AMACR: variants seen among roughly 807,000 people sequenced by gnomAD.
AMACR encodes alpha-methylacyl-CoA racemase, also known as 2-methylacyl-CoA racemase.
In AMACR, 18 loss-of-function variants were observed where a neutral mutation model predicts 22.2. The observed-to-expected ratio is 0.81, with a 90% confidence interval of 0.56 to 1.20. The LOEUF is 1.20. Among genes scored for constraint, AMACR ranks in the 50% most tolerant of loss-of-function variants. AMACR has a pLI of 0.00. For synonymous variants in AMACR, 213 were observed against 191.3 expected, an observed-to-expected ratio of 1.11 and a Z score of -0.94; for missense variants, 499 against 490.6, an observed-to-expected ratio of 1.02 and a Z score of -0.16.
rs182354716 is a variant in AMACR at position 34,005,612 on chromosome 5, C to T, written c.391+144G>A. 377 of 1,009,878 alleles carry T rather than the reference C, an allele frequency of 3.7e-4. 1 individual carries two copies. The African/African-American group carries it at 5.4e-3, about 14-fold the overall frequency. 62.6% of individuals were successfully genotyped at this position (1,009,878 alleles called of 1,614,324 possible). On this transcript the variant is annotated intron_variant, in intron 2 of 4. Coordinates refer to ENST00000335606, the MANE Select transcript of AMACR (RefSeq NM_014324.6). Reference sequence around the variant, plus strand: ...AGAATGATTGTTTCAAGACTCAAACCGATCCATTTTGAACACCCATGCTCT... The same window carrying T: ...AGAATGATTGTTTCAAGACTCAAACTGATCCATTTTGAACACCCATGCTCT...
chr5:33,991,506 C>T (rs893648992), intron 4 of AMACR, among the ~76,000 whole-genome samples: 3 of 152,028 alleles, frequency 2.0e-5, no homozygotes, highest in African/African-American at 7.2e-5. Flanking sequence ...CAGGAACTAG[C>T]CTGGGGACTC....
Position 33,988,384 on chromosome 5 carries a change from G to C in AMACR, c.*709C>G, listed in dbSNP as rs1370881247. 5.0e-5 allele frequency: 77 copies of C among 1,538,240 alleles called. No individual in the cohort carries two copies. Among genetic ancestry groups the C allele is most frequent in the Non-Finnish European group, 6.6e-5 (76 of 1,147,496 alleles). On this transcript the variant is annotated 3_prime_UTR_variant, in exon 5 of 5. Transcript: ENST00000335606. ...AGCCTGAGGAGAAATCAAACACATGGAGAAAGGAAAGCTGACAGCCCAGAG... is the reference window on the plus strand; with the variant it reads ...AGCCTGAGGAGAAATCAAACACATGCAGAAAGGAAAGCTGACAGCCCAGAG...
At chr5:33,998,947 A>G in intron 3 of AMACR, 120 bp from the exon 4 acceptor site, 1 of 840,978 alleles carries the variant, frequency 1.2e-6, no homozygotes, top group Non-Finnish European at 1.9e-6. Context: ...GTATACGAAG[A>G]TTCTACCTAA....
At chr5:33,999,693 C>A (rs1753754105) in intron 3 of AMACR, among the ~76,000 whole-genome samples, 1 of 152,240 alleles carries the variant, frequency 6.6e-6, no homozygotes, top group African/African-American at 2.4e-5. Context: ...ATAGAGCAGG[C>A]CTCATTCCAA....
In AMACR at chr5:33,998,733, C is replaced by T. The variant is rs759586956; in HGVS notation, c.647G>A (p.Gly216Glu). The T allele has an allele frequency of 1.2e-6, 2 of 1,614,070 alleles. No homozygotes were observed. Among genetic ancestry groups the T allele is most frequent in the South Asian group, 2.2e-5 (2 of 91,076 alleles). The change falls in exon 4 of 5, where the codon GGA (glycine) becomes GAA (glutamate). Residue 216 changes from glycine to glutamate, a missense_variant. Coordinates refer to ENST00000335606, the MANE Select transcript of AMACR (RefSeq NM_014324.6). Reference protein sequence around the residue: ...APRGQNMLDGGAPFYTTYRTA... With the variant: ...APRGQNMLDGEAPFYTTYRTA... The stretch of plus-strand genomic sequence containing the variant: ...CCTGTAAGTCGTATAGAAAGGTGCT[C>T]CACCATCCAACATGTTCTGTCCTCG...
intron 4 of AMACR, chr5:33,994,034 G>A (rs1253124401): frequency 8.8e-6 from 4 of 455,466 alleles, no homozygotes; most frequent in South Asian, 6.2e-5. Flanking sequence ...AAAATAGCAG[G>A]GACGCAGCAG....
At chr5:34,006,388 G>C (rs544338316) in intron 1 of AMACR, among the ~76,000 whole-genome samples, 56 of 152,322 alleles carry the variant, frequency 3.7e-4, no homozygotes, top group African/African-American at 1.2e-3. Flanking sequence ...TGTAGAAAGA[G>C]TGGTTAGTGA....
chr5:33,988,738 G>C lies in AMACR; in HGVS notation c.*355C>G. The C allele has an allele frequency of 8.3e-7, 1 of 1,198,468 alleles. No homozygotes were observed. The highest frequency in any genetic ancestry group is 1.0e-6 in the Non-Finnish European group (1 of 962,288). 74.2% of individuals were successfully genotyped at this position (1,198,468 alleles called of 1,614,324 possible). On this transcript the variant is annotated 3_prime_UTR_variant, in exon 5 of 5. Coordinates refer to ENST00000335606, the MANE Select transcript of AMACR (RefSeq NM_014324.6). ...CATTTTCTACATTGTAGAATCAAGA[G>C]TGTAAATAAATGTATATCGATGTCT...
In AMACR at chr5:33,988,771, T is replaced by C. The variant is rs1753377643; in HGVS notation, c.*322A>G. ...AAATGTATATCGATGTCTTCAAGAA[T>C]ATATCATTCCTTTTTCACTAGAACC... On this transcript the variant is annotated 3_prime_UTR_variant, in exon 5 of 5. Transcript: ENST00000335606. 10 of 1,231,896 alleles carry C rather than the reference T, an allele frequency of 8.1e-6. No individual in the cohort carries two copies. The highest frequency in any genetic ancestry group is 1.0e-5 in the Non-Finnish European group (10 of 981,432). 76.3% of individuals were successfully genotyped at this position (1,231,896 alleles called of 1,614,324 possible).
At chr5:34,006,237 T>G (rs924996393) in intron 1 of AMACR, among the ~76,000 whole-genome samples, 2 of 152,246 alleles carry the variant, frequency 1.3e-5, no homozygotes, top group African/African-American at 2.4e-5. Flanking sequence ...ACATCCCACC[T>G]TAGCTGCACT....
chr5:33,995,121 A>G (rs1277760303), intron 4 of AMACR, among the ~76,000 whole-genome samples: 1 of 152,220 alleles, frequency 6.6e-6, no homozygotes, highest in African/African-American at 2.4e-5. Flanking sequence ...ATCCTGCTCC[A>G]TCCTGCCTTG....
At chr5:34,000,234 T>C (rs1190842307) in intron 3 of AMACR, among the ~76,000 whole-genome samples, 1 of 152,198 alleles carries the variant, frequency 6.6e-6, no homozygotes, top group Non-Finnish European at 1.5e-5. Flanking sequence ...GTGCCTGCTT[T>C]CCGCTCAAGC....
chr5:34,003,477 T>G (rs73077183), intron 3 of AMACR, among the ~76,000 whole-genome samples: 1 of 152,150 alleles, frequency 6.6e-6, no homozygotes, highest in Non-Finnish European at 1.5e-5. Context: ...CATTATTATC[T>G]CCATTTTACA....
At chr5:33,993,505 T>A (rs1463693619) in intron 4 of AMACR, among the ~76,000 whole-genome samples, 1 of 152,238 alleles carries the variant, frequency 6.6e-6, no homozygotes, top group Non-Finnish European at 1.5e-5. Flanking sequence ...ACGCTGTTTT[T>A]GACAGTGGCT....
chr5:33,998,442 T>C (rs1477152433), intron 4 of AMACR, among the ~76,000 whole-genome samples, 199 bp downstream of exon 4: 2 of 152,152 alleles, frequency 1.3e-5, no homozygotes, highest in Admixed American at 1.3e-4. Context: ...AACCCTCAGC[T>C]ATTTTATAGA....
At chr5:34,004,785 T>C in intron 2 of AMACR, 51 bp from the exon 3 acceptor site, 1 of 1,571,380 alleles carries the variant, frequency 6.4e-7, no homozygotes. Flanking sequence ...AATCTCTTCT[T>C]AAAATAAATA....
Position 33,997,122 on chromosome 5 carries a change from A to G in AMACR, c.739+1519T>C, listed in dbSNP as rs192012278. ...CTGTGAGAGAGCCAAGTTCAACGGC[A>G]GTTTCCTTTAAGGTTGATCCATTTT... On this transcript the variant is annotated intron_variant, in intron 4 of 4. Transcript: ENST00000335606. The G allele has an allele frequency of 4.1e-4, 309 of 749,724 alleles. 1 individual carries two copies. In the African/African-American group the frequency reaches 4.9e-3, roughly 12 times the overall value. 46.4% of individuals were successfully genotyped at this position (749,724 alleles called of 1,614,324 possible).
In AMACR at chr5:34,005,880, C is replaced by G. The variant is rs758123203; in HGVS notation, c.267G>C (p.Gln89His). ...CCCGCTGCAGAATCTCTGGGCCCAG[C>G]TGGAGTTTCTCCATGACACCTTAAG... ...PFRRGVMEKLQLGPEILQREN... is the reference protein window; with the variant it reads ...PFRRGVMEKLHLGPEILQREN... Residue 89 changes from glutamine (Q) to histidine (H), a missense_variant, in exon 2 of 5, where the codon CAG (glutamine) becomes CAC (histidine). By Grantham distance (24) the Gln-to-His change is conservative. Transcript: ENST00000335606. 1.2e-6 allele frequency: 2 copies of G among 1,614,132 alleles called. No homozygotes were observed. Among genetic ancestry groups the G allele is most frequent in the Admixed American group, 3.3e-5 (2 of 60,020 alleles).
intron 4 of AMACR, among the ~76,000 whole-genome samples, chr5:33,989,932 G>A (rs1362338053): frequency 6.6e-6 from 1 of 152,088 alleles, no homozygotes; most frequent in East Asian, 1.9e-4. Context: ...AGTTTCCAAG[G>A]AAGAAGCCTG....
Sources: gnomAD v4.1 joint callset for allele counts (sites outside exome capture counted in the v4.1 genomes callset) on GRCh38, gnomAD v4.1.1 for gene constraint, MANE v1.5 for transcripts, NCBI Gene and HGNC (gene_info 2026-07-23, HGNC 2026-07-21) for gene names.